The following PATJ variants were observed in gnomAD, a reference collection of about 807,000 sequenced individuals.
The protein encoded by PATJ is inaD-like protein.
PATJ carries 190 observed loss-of-function variants against 224.9 expected under a neutral mutation model. The ratio of observed to expected loss-of-function variants is 0.84; its 90% CI spans 0.75 to 0.95. The LOEUF (loss-of-function observed/expected upper bound fraction) is 0.95. Among genes scored for constraint, PATJ ranks in the 40% least tolerant of loss-of-function variants. PATJ has a pLI of 0.00. For synonymous variants in PATJ, 769 were observed against 820.3 expected (o/e 0.94, Z 1.07); for missense variants, 2,121 against 2,270.3 (o/e 0.93, Z 1.34).
intron 39 of PATJ, among the ~76,000 whole-genome samples, chr1:62,124,086 T>C (rs1665419760): frequency 6.6e-6 from 1 of 151,850 alleles, no homozygotes; most frequent in South Asian, 2.1e-4. Context: ...TCTTTTTTTC[T>C]TTTTCTTTTT....
At chr1:61,941,004 C>T (rs192156877) in intron 27 of PATJ, among the ~76,000 whole-genome samples, 18 of 152,208 alleles carry the variant, frequency 1.2e-4, no homozygotes, top group African/African-American at 4.3e-4. Flanking sequence ...TTTTTCTCTT[C>T]TTACTCTTTA....
chr1:61,955,554 T>C (rs1557938683), intron 27 of PATJ, among the ~76,000 whole-genome samples: 1 of 152,190 alleles, frequency 6.6e-6, no homozygotes, highest in Non-Finnish European at 1.5e-5. Flanking sequence ...TCTAAAACTT[T>C]AAGTTCAAGA....
intron 27 of PATJ, among the ~76,000 whole-genome samples, chr1:61,980,648 C>T (rs1644402582): frequency 6.6e-6 from 1 of 151,994 alleles, no homozygotes; most frequent in Admixed American, 6.6e-5. Context: ...GAAAACCATT[C>T]TCTATACATT....
At chr1:61,834,605 G>T (rs1659876763) in intron 17 of PATJ, among the ~76,000 whole-genome samples, 1 of 152,032 alleles carries the variant, frequency 6.6e-6, no homozygotes, top group Non-Finnish European at 1.5e-5. Context: ...ACACATTGTG[G>T]TTTAGTAAAG....
chr1:61,911,321 C>T (rs906616658), intron 25 of PATJ, among the ~76,000 whole-genome samples: 2 of 152,172 alleles, frequency 1.3e-5, no homozygotes. Context: ...TCAAGTAATT[C>T]TTCTGCCTCA....
At chr1:61,915,194 A>G (rs1356863385) in intron 26 of PATJ, among the ~76,000 whole-genome samples, 1 of 152,080 alleles carries the variant, frequency 6.6e-6, no homozygotes, top group Non-Finnish European at 1.5e-5. Flanking sequence ...ATGAATTTTC[A>G]TTTTTTCTCA....
intron 39 of PATJ, among the ~76,000 whole-genome samples, chr1:62,123,469 C>CTTTTTTTTTT (rs34621846): frequency 1.5e-5 from 1 of 64,538 alleles, no homozygotes; most frequent in African/African-American, 6.6e-5. Flanking sequence ...CTATAAGTTT[C>CTTTTTTTTTT]TTTTTTTTTT....
intron 31 of PATJ, among the ~76,000 whole-genome samples, chr1:62,054,777 C>T (rs773749076): frequency 2.0e-5 from 3 of 151,928 alleles, no homozygotes; most frequent in Non-Finnish European, 2.9e-5. Context: ...AGTTTTTTCG[C>T]GGGGTACGGT....
chr1:62,096,800 A>T (rs527725068), intron 33 of PATJ, among the ~76,000 whole-genome samples: 1 of 152,304 alleles, frequency 6.6e-6, no homozygotes, highest in East Asian at 1.9e-4. Flanking sequence ...TATTTTTAGT[A>T]CAGACGAGGT....
At chr1:62,009,774 G>T (rs115607100) in intron 28 of PATJ, among the ~76,000 whole-genome samples, 2 of 152,088 alleles carry the variant, frequency 1.3e-5, no homozygotes, top group Admixed American at 1.3e-4. Context: ...CATCTCCACC[G>T]GGAGATTTCA....
intron 29 of PATJ, among the ~76,000 whole-genome samples, chr1:62,025,400 G>A (rs1159811245): frequency 6.6e-6 from 1 of 152,202 alleles, no homozygotes; most frequent in Non-Finnish European, 1.5e-5. Context: ...TGAGGGTGAG[G>A]ATCCCAGCAC....
intron 27 of PATJ, among the ~76,000 whole-genome samples, chr1:61,928,427 T>G (rs1365053670): frequency 6.6e-6 from 1 of 152,190 alleles, no homozygotes; most frequent in Non-Finnish European, 1.5e-5. Flanking sequence ...TAGATAGTGG[T>G]GATGGTTGTA....
chr1:61,938,997 C>T (rs113393843), intron 27 of PATJ, among the ~76,000 whole-genome samples: 20,304 of 151,112 alleles, frequency 0.13, 1,806 homozygotes, highest in Middle Eastern at 0.22. Context: ...GTGGCGGGCG[C>T]TTGTAGTCCC....
At chr1:61,851,868 C>T (rs1662861286) in intron 17 of PATJ, among the ~76,000 whole-genome samples, 1 of 151,828 alleles carries the variant, frequency 6.6e-6, no homozygotes. Context: ...GTGAGCAACT[C>T]AATGGAGGGG....
At chr1:61,801,195 A>C (rs900585704) in intron 11 of PATJ, among the ~76,000 whole-genome samples, 1 of 152,194 alleles carries the variant, frequency 6.6e-6, no homozygotes, top group African/African-American at 2.4e-5. Flanking sequence ...CACTCCCACC[A>C]ACAGTGTAAA....
intron 27 of PATJ, 49 bp from the exon 28 acceptor site, chr1:61,990,119 A>G: frequency 7.7e-7 from 1 of 1,295,514 alleles, no homozygotes; most frequent in Non-Finnish European, 1.1e-6. Context: ...ACATCTCAAT[A>G]ATACAGATCA....
chr1:61,907,093 T>TA (rs1671961196), intron 24 of PATJ, among the ~76,000 whole-genome samples: 1 of 152,146 alleles, frequency 6.6e-6, no homozygotes, highest in South Asian at 2.1e-4. Flanking sequence ...CACTTCTCCT[T>TA]CCTGCCACGT....
intron 17 of PATJ, among the ~76,000 whole-genome samples, chr1:61,844,016 A>C (rs1661527587): frequency 6.6e-6 from 1 of 152,236 alleles, no homozygotes; most frequent in Admixed American, 6.5e-5. Flanking sequence ...AATTAGATGA[A>C]GTCTGTCCTC....
At position 61,864,602 on chromosome 1, in the gene PATJ, C is replaced by A. The variant is rs781210230; in HGVS notation, c.2804C>A (p.Ala935Glu). ...GGGAGGACTGTCTATTCCCAGGAGGCACAGCCGTATGGCTATTGCCCTGAA... is the reference window on the plus strand; with the variant it reads ...GGGAGGACTGTCTATTCCCAGGAGGAACAGCCGTATGGCTATTGCCCTGAA... The part of the protein sequence containing the change: ...RTGRTVYSQE[A>E]QPYGYCPENV... Residue 935 changes from alanine to glutamate, a missense_variant, in exon 20 of 44, where the codon GCA becomes GAA. Ala to Glu is a moderately radical substitution (Grantham distance 107). Coordinates refer to ENST00000642238, the MANE Select transcript of PATJ (RefSeq NM_001350145.3). 6.2e-7 allele frequency: 1 copy of A among 1,602,806 alleles called. No individual in the cohort carries two copies. The highest frequency in any genetic ancestry group is 1.3e-5 in the African/African-American group (1 of 74,844).
Sources: gnomAD v4.1 joint callset for allele counts (sites outside exome capture counted in the v4.1 genomes callset) on GRCh38, gnomAD v4.1.1 for gene constraint, MANE v1.5 for transcripts, NCBI Gene and HGNC (gene_info 2026-07-23, HGNC 2026-07-21) for gene names.